The following EXOC6B variants were observed in gnomAD, a reference collection of about 807,000 sequenced individuals.
EXOC6B encodes the protein exocyst complex component 6B.
Under a neutral mutation model 113.5 loss-of-function variants are expected in EXOC6B, and 54 were observed. That is an observed-to-expected ratio of 0.48 (90% CI 0.38 to 0.60). The LOEUF is 0.60. Among genes scored for constraint, EXOC6B ranks in the 20% least tolerant of loss-of-function variants. The pLI is 0.00. For missense variants in EXOC6B, 797 were observed against 977.5 expected (o/e 0.82, Z 2.46); for synonymous variants, 357 against 339.0 (o/e 1.05, Z -0.58).
intron 20 of EXOC6B, among the ~76,000 whole-genome samples, chr2:72,232,378 T>C (rs1248351170): frequency 6.6e-6 from 1 of 152,164 alleles, no homozygotes; most frequent in Admixed American, 6.5e-5. Flanking sequence ...AGTAAATTGG[T>C]AAAAATGTTC....
intron 18 of EXOC6B, among the ~76,000 whole-genome samples, chr2:72,453,760 C>G (rs1467207082): frequency 1.3e-5 from 2 of 152,196 alleles, no homozygotes; most frequent in African/African-American, 4.8e-5. Context: ...CACCCCACAA[C>G]TTTAGCATCA....
chr2:72,604,559 G>C (rs1670632105), intron 6 of EXOC6B, among the ~76,000 whole-genome samples: 1 of 152,156 alleles, frequency 6.6e-6, no homozygotes, highest in African/African-American at 2.4e-5. Context: ...GTTTAAAGAA[G>C]TGCTTTAAGT....
At chr2:72,685,185 A>G (rs1676993440) in intron 6 of EXOC6B, among the ~76,000 whole-genome samples, 1 of 152,146 alleles carries the variant, frequency 6.6e-6, no homozygotes, top group African/African-American at 2.4e-5. Context: ...GTAAGTAAAT[A>G]TGGTTGTTGA....
intron 20 of EXOC6B, among the ~76,000 whole-genome samples, chr2:72,332,386 C>G (rs574114370): frequency 1.3e-5 from 2 of 151,808 alleles, no homozygotes; most frequent in Non-Finnish European, 2.9e-5. Flanking sequence ...TAAAATCAAC[C>G]CTGTAAGGAC....
At chr2:72,675,092 T>C (rs944424670) in intron 6 of EXOC6B, among the ~76,000 whole-genome samples, 11 of 152,196 alleles carry the variant, frequency 7.2e-5, no homozygotes, top group Non-Finnish European at 1.3e-4. Context: ...TACTAAAATA[T>C]CTTGCTCTAC....
intron 20 of EXOC6B, among the ~76,000 whole-genome samples, chr2:72,224,133 A>G (rs62147589): frequency 0.12 from 18,141 of 152,186 alleles, 1,342 homozygotes; most frequent in Admixed American, 0.16. Flanking sequence ...TTATATAAAC[A>G]TCTAGTTTGC....
intron 6 of EXOC6B, among the ~76,000 whole-genome samples, chr2:72,714,367 A>G (rs1015714773): frequency 1.3e-5 from 2 of 152,220 alleles, no homozygotes; most frequent in Non-Finnish European, 2.9e-5. Context: ...TGGAACCTAT[A>G]ATAAGTGAAT....
At position 72,407,400 on chromosome 2, in the gene EXOC6B, G is replaced by C. The variant is rs528318684; in HGVS notation, c.1981-27530C>G. ...ATCATCCCGATACTAAAGCCTGGCA[G>C]AGACATAACAAAAAAAGAGAATTTT... On this transcript the variant is annotated intron_variant, in intron 18 of 21. Transcript: ENST00000272427. Among the ~76,000 whole-genome samples the C allele has an allele frequency of 7.0e-4, 107 of 152,304 alleles. 1 individual carries two copies. The highest frequency in any genetic ancestry group is 1.2e-3 in the Admixed American group (18 of 15,294).
At chr2:72,439,951 T>C (rs1163461908) in intron 18 of EXOC6B, among the ~76,000 whole-genome samples, 1 of 151,940 alleles carries the variant, frequency 6.6e-6, no homozygotes, top group Non-Finnish European at 1.5e-5. Flanking sequence ...TTGCTGGGGG[T>C]TCATTTGCTC....
At chr2:72,616,503 A>G (rs1038978965) in intron 6 of EXOC6B, among the ~76,000 whole-genome samples, 5 of 152,226 alleles carry the variant, frequency 3.3e-5, no homozygotes. Context: ...GTCTGTTTCC[A>G]TGGCTGGGGA....
intron 6 of EXOC6B, among the ~76,000 whole-genome samples, chr2:72,599,823 G>A (rs568211336): frequency 5.3e-5 from 8 of 151,446 alleles, no homozygotes; most frequent in African/African-American, 9.7e-5. Context: ...AAACAATTAC[G>A]TATAAATCTA....
intron 8 of EXOC6B, among the ~76,000 whole-genome samples, chr2:72,551,642 C>T (rs1394326696): frequency 1.3e-5 from 2 of 151,570 alleles, no homozygotes; most frequent in Non-Finnish European, 2.9e-5. Flanking sequence ...GTAGCTGGGA[C>T]TACAGGCGCC....
intron 20 of EXOC6B, among the ~76,000 whole-genome samples, chr2:72,264,271 T>C (rs1364622321): frequency 6.6e-6 from 1 of 152,142 alleles, no homozygotes; most frequent in African/African-American, 2.4e-5. Context: ...CTTCTCTTAC[T>C]ATAAACATAT....
intron 19 of EXOC6B, among the ~76,000 whole-genome samples, chr2:72,373,042 T>A (rs956314882): frequency 4.0e-4 from 61 of 151,354 alleles, no homozygotes; most frequent in African/African-American, 1.5e-3. Flanking sequence ...AGGAAACTCT[T>A]CAGGATATCA....
intron 18 of EXOC6B, among the ~76,000 whole-genome samples, chr2:72,395,326 T>C (rs1312852380): frequency 6.6e-6 from 1 of 152,136 alleles, no homozygotes; most frequent in Non-Finnish European, 1.5e-5. Context: ...CTCTTTTAAC[T>C]TCCACATACA....
At chr2:72,442,135 A>T (rs1696239924) in intron 18 of EXOC6B, among the ~76,000 whole-genome samples, 1 of 152,206 alleles carries the variant, frequency 6.6e-6, no homozygotes, top group Non-Finnish European at 1.5e-5. Flanking sequence ...ACATAAACAG[A>T]ACTAAAGAGA....
intron 21 of EXOC6B, among the ~76,000 whole-genome samples, chr2:72,183,170 T>C (rs937739873): frequency 1.3e-5 from 2 of 152,144 alleles, no homozygotes; most frequent in African/African-American, 4.8e-5. Flanking sequence ...AGCCTTGTCT[T>C]CCTAGGATTT....
intron 2 of EXOC6B, among the ~76,000 whole-genome samples, chr2:72,740,170 G>A (rs902382322): frequency 6.6e-6 from 1 of 152,018 alleles, no homozygotes; most frequent in Non-Finnish European, 1.5e-5. Context: ...ATGTCTGACA[G>A]CCCACTTTGC....
chr2:72,614,167 G>A (rs922596374), intron 6 of EXOC6B, among the ~76,000 whole-genome samples: 1 of 152,144 alleles, frequency 6.6e-6, no homozygotes, highest in Non-Finnish European at 1.5e-5. Flanking sequence ...AAAGGGAATA[G>A]GAATTAGCGC....
Sources: gnomAD v4.1 joint callset for allele counts (sites outside exome capture counted in the v4.1 genomes callset) on GRCh38, gnomAD v4.1.1 for gene constraint, MANE v1.5 for transcripts, NCBI Gene and HGNC (gene_info 2026-07-23, HGNC 2026-07-21) for gene names.